The following KIAA1328 variants were observed in gnomAD, a reference collection of about 807,000 sequenced individuals.
The protein encoded by KIAA1328 is protein hinderin.
Under a neutral mutation model 68.1 loss-of-function variants are expected in KIAA1328, and 52 were observed. The observed-to-expected ratio is 0.76, with a 90% CI of 0.61 to 0.96. The LOEUF (loss-of-function observed/expected upper bound fraction) is 0.96, where lower values mean the gene tolerates loss of function less well. Among genes scored for constraint, KIAA1328 ranks in the 40% least tolerant of loss-of-function variants. The pLI, the probability that KIAA1328 is intolerant of heterozygous loss-of-function variation, is 0.00. For synonymous variants in KIAA1328, 232 were observed against 239.4 expected, an observed-to-expected ratio of 0.97 and a Z score of 0.28; for missense variants, 641 against 677.6, an observed-to-expected ratio of 0.95 and a Z score of 0.60.
intron 6 of KIAA1328, among the ~76,000 whole-genome samples, chr18:37,026,591 T>C (rs184491157): frequency 6.6e-6 from 1 of 152,286 alleles, no homozygotes; most frequent in African/African-American, 2.4e-5. Context: ...ATAAATGTAA[T>C]CCATTGTATA....
rs2150736881 is a variant in KIAA1328, at chr18:36,829,177, G to T, written c.39G>T (p.Ala13=). 2 of 1,532,576 alleles carry T rather than the reference G, an allele frequency of 1.3e-6. No individual in the cohort carries two copies. Among genetic ancestry groups the T allele is most frequent in the African/African-American group, 1.4e-5 (1 of 71,278 alleles). The allele number at this position is 1,532,576 out of a possible 1,614,324, so 94.9% of individuals were successfully genotyped here. The change falls in exon 1 of 10, where the codon GCG becomes GCT. Residue 13 remains alanine (A), a synonymous_variant. Coordinates refer to ENST00000280020, the MANE Select transcript of KIAA1328 (RefSeq NM_020776.3). ...CGGGCCCCTCCCGCCCCAGTGCCGC[G>T]GCGTTCTGGAGCCGGGACTGTATCC... ...DVAGPSRPSA[A]AFWSRDFSDE... is the part of the protein sequence containing the mutation.
At chr18:37,008,456 G>A (rs1345122452) in intron 6 of KIAA1328, among the ~76,000 whole-genome samples, 1 of 152,106 alleles carries the variant, frequency 6.6e-6, no homozygotes, top group Non-Finnish European at 1.5e-5. Context: ...AGGACCCATA[G>A]CCTGCGCAAC....
chr18:37,203,414 T>C (rs1049851952), intron 9 of KIAA1328, among the ~76,000 whole-genome samples: 2 of 152,156 alleles, frequency 1.3e-5, no homozygotes, highest in African/African-American at 4.8e-5. Flanking sequence ...AAATAACTTA[T>C]AAATTACAAA....
At position 37,222,314 on chromosome 18, in the gene KIAA1328, G is replaced by C; in HGVS notation, c.*87G>C. On this transcript the variant is annotated 3_prime_UTR_variant, in exon 10 of 10. Coordinates refer to ENST00000280020, the MANE Select transcript of KIAA1328 (RefSeq NM_020776.3). ...AATTATTTCATTGCAAAGTAATTGTGTCTCTCCTTTCACGGGGACTTGTCT... is the reference window on the plus strand; with the variant it reads ...AATTATTTCATTGCAAAGTAATTGTCTCTCTCCTTTCACGGGGACTTGTCT... 6.6e-7 allele frequency: 1 copy of C among 1,519,950 alleles called. No individual in the cohort carries two copies. The highest frequency in any genetic ancestry group is 8.8e-7 in the Non-Finnish European group (1 of 1,134,078). The allele number at this position is 1,519,950 out of a possible 1,614,324, so 94.2% of individuals were successfully genotyped here.
intron 6 of KIAA1328, among the ~76,000 whole-genome samples, chr18:36,988,977 G>A (rs932825091): frequency 6.6e-6 from 1 of 152,150 alleles, no homozygotes; most frequent in East Asian, 1.9e-4. Flanking sequence ...CTAGCATGCA[G>A]TAAATGCTTT....
At chr18:36,838,985 G>A (rs778322543) in intron 3 of KIAA1328, among the ~76,000 whole-genome samples, 9 of 152,008 alleles carry the variant, frequency 5.9e-5, no homozygotes, top group African/African-American at 1.4e-4. Context: ...TGCCCGCCTC[G>A]GCCTCCCAAA....
At chr18:36,904,192 A>G (rs776643678) in intron 5 of KIAA1328, among the ~76,000 whole-genome samples, 1 of 152,086 alleles carries the variant, frequency 6.6e-6, no homozygotes, top group Non-Finnish European at 1.5e-5. Context: ...ATAGCATTAT[A>G]TTTGCTGCTA....
At chr18:37,188,360 G>A (rs1462276264) in intron 9 of KIAA1328, among the ~76,000 whole-genome samples, 1 of 152,166 alleles carries the variant, frequency 6.6e-6, no homozygotes. Context: ...ATAGAATAGT[G>A]GGGGAAGAAC....
chr18:36,844,348 C>A, intron 4 of KIAA1328, 46 bp downstream of exon 4: 2 of 1,263,086 alleles, frequency 1.6e-6, no homozygotes, highest in Non-Finnish European at 1.1e-6. Flanking sequence ...CAAAAGACAA[C>A]TCTTATTGAA....
chr18:36,922,247 C>T (rs1370626696), intron 5 of KIAA1328, among the ~76,000 whole-genome samples: 1 of 152,124 alleles, frequency 6.6e-6, no homozygotes, highest in Admixed American at 6.5e-5. Context: ...AGTTGTCTCC[C>T]TCTTGACCAC....
intron 9 of KIAA1328, among the ~76,000 whole-genome samples, chr18:37,215,626 C>T (rs551214578): frequency 6.6e-6 from 1 of 152,278 alleles, no homozygotes; most frequent in African/African-American, 2.4e-5. Context: ...TGTTGTGTCT[C>T]TGCCAGGCTT....
intron 6 of KIAA1328, among the ~76,000 whole-genome samples, chr18:36,969,820 A>T (rs2052104526): frequency 6.6e-6 from 1 of 152,086 alleles, no homozygotes; most frequent in Non-Finnish European, 1.5e-5. Context: ...AACCTGGCAG[A>T]GACATAACAA....
intron 7 of KIAA1328, among the ~76,000 whole-genome samples, chr18:37,074,276 A>T (rs2056633800): frequency 6.6e-6 from 1 of 152,212 alleles, no homozygotes; most frequent in South Asian, 2.1e-4. Flanking sequence ...GCAAAAACAA[A>T]GCCCGGGAAA....
At chr18:37,178,337 G>A (rs938139052) in intron 9 of KIAA1328, among the ~76,000 whole-genome samples, 1 of 152,070 alleles carries the variant, frequency 6.6e-6, no homozygotes, top group Non-Finnish European at 1.5e-5. Flanking sequence ...AACCAGTTCA[G>A]TATTTGTTTT....
intron 3 of KIAA1328, among the ~76,000 whole-genome samples, chr18:36,837,079 T>G (rs1015617089): frequency 1.3e-5 from 2 of 152,212 alleles, no homozygotes; most frequent in Non-Finnish European, 2.9e-5. Flanking sequence ...CAAGTTTTTG[T>G]GTAGACATAT....
chr18:36,960,342 G>T (rs1007271941), intron 6 of KIAA1328, among the ~76,000 whole-genome samples: 2 of 152,242 alleles, frequency 1.3e-5, no homozygotes, highest in Non-Finnish European at 2.9e-5. Flanking sequence ...GCTCAGCAAG[G>T]CCTACTGCCT....
chr18:36,834,092 T>G (rs1307470191), intron 1 of KIAA1328: 1 of 653,748 alleles, frequency 1.5e-6, no homozygotes, highest in Non-Finnish European at 2.2e-6. Flanking sequence ...TGTGAATATA[T>G]AAAGGTGAAC....
chr18:37,175,594 T>TA (rs970101177), intron 9 of KIAA1328, among the ~76,000 whole-genome samples: 44 of 146,088 alleles, frequency 3.0e-4, no homozygotes, highest in East Asian at 5.9e-4. Context: ...ATTGCAGAGT[T>TA]AAAAAAAAAA....
intron 7 of KIAA1328, among the ~76,000 whole-genome samples, chr18:37,123,516 G>A (rs952101907): frequency 6.6e-6 from 1 of 152,088 alleles, no homozygotes; most frequent in Non-Finnish European, 1.5e-5. Context: ...ATTTTTAGAT[G>A]GTGGTATACA....
Sources: allele counts gnomAD v4.1 joint callset (sites outside exome capture counted in the v4.1 genomes callset), GRCh38; gene constraint gnomAD v4.1.1; transcripts MANE v1.5; gene names NCBI Gene and HGNC (gene_info 2026-07-23, HGNC 2026-07-21).